Variants in C12orf42 observed in about 807,000 individuals in gnomAD.
C12orf42 encodes uncharacterized protein C12orf42.
Under a neutral mutation model 21.6 loss-of-function variants are expected in C12orf42, and 25 were observed. The ratio of observed to expected loss-of-function variants is 1.16; its 90% CI spans 0.84 to 1.62. The LOEUF is 1.62. Ranked by LOEUF, C12orf42 falls within the 40% of genes most tolerant of loss-of-function variation. C12orf42 has a pLI of 0.00. For synonymous variants in C12orf42, 174 were observed against 175.0 expected (o/e 0.99, Z 0.05); for missense variants, 483 against 459.3 (o/e 1.05, Z -0.47).
chr12:103,362,656 C>T (rs1242679917), intron 4 of C12orf42, among the ~76,000 whole-genome samples: 1 of 151,888 alleles, frequency 6.6e-6, no homozygotes, highest in Non-Finnish European at 1.5e-5. Flanking sequence ...AGAAAAAAAT[C>T]ACAACTTCAG....
intron 2 of C12orf42, among the ~76,000 whole-genome samples, chr12:103,453,219 C>G (rs921631668): frequency 6.6e-6 from 1 of 151,068 alleles, no homozygotes; most frequent in African/African-American, 2.4e-5. Flanking sequence ...TGCAGGTTTT[C>G]TATTTCTTCT....
intron 4 of C12orf42, among the ~76,000 whole-genome samples, chr12:103,348,484 A>T (rs2042826727): frequency 6.6e-6 from 1 of 152,212 alleles, no homozygotes; most frequent in African/African-American, 2.4e-5. Flanking sequence ...TGACATCTGT[A>T]CAACATGTCT....
intron 2 of C12orf42, among the ~76,000 whole-genome samples, chr12:103,455,282 T>A (rs1475499448): frequency 6.6e-6 from 1 of 152,174 alleles, no homozygotes; most frequent in Non-Finnish European, 1.5e-5. Flanking sequence ...AAATGTTTGT[T>A]CAATTGAATT....
At chr12:103,458,342 T>C (rs1474700748) in intron 2 of C12orf42, among the ~76,000 whole-genome samples, 1 of 151,946 alleles carries the variant, frequency 6.6e-6, no homozygotes, top group Non-Finnish European at 1.5e-5. Flanking sequence ...AAAAAAATAG[T>C]ACTTTTCCAA....
chr12:103,274,672 T>G lies in C12orf42; in HGVS notation n.398+2478A>C, dbSNP rs1298953257. On this transcript the variant is annotated intron_variant and non_coding_transcript_variant, in intron 5 of 6. Coordinates refer to the C12orf42 transcript ENST00000546526. ...GTGTCTGTGTGTGTATGCATGCACA[T>G]GAACATGCTCTTGTTTTAAACCTTA... 2.6e-5 allele frequency among the ~76,000 whole-genome samples: 4 copies of G among 152,186 alleles called. No homozygotes were observed. The East Asian group carries it at 7.7e-4, about 29-fold the overall frequency.
the C12orf42 span, among the ~76,000 whole-genome samples, chr12:103,122,387 T>TATTCATTC: frequency 6.6e-6 from 1 of 151,808 alleles, no homozygotes; most frequent in South Asian, 2.1e-4. Flanking sequence ...GCCATTATTG[T>TATTCATTC]ATTCATTCAT....
the C12orf42 span, among the ~76,000 whole-genome samples, chr12:103,536,681 C>A: frequency 6.6e-6 from 1 of 152,140 alleles, no homozygotes; most frequent in Non-Finnish European, 1.5e-5. Flanking sequence ...CTGATGACCA[C>A]CACTGCATTT....
the C12orf42 span, among the ~76,000 whole-genome samples, chr12:103,180,496 T>C: frequency 6.6e-6 from 1 of 152,094 alleles, no homozygotes; most frequent in Non-Finnish European, 1.5e-5. Context: ...TACAGTTCTC[T>C]TGGGTCAGGA....
the C12orf42 span, chr12:103,559,582 C>T: frequency 3.3e-5 from 5 of 152,178 alleles, no homozygotes; most frequent in Non-Finnish European, 7.3e-5. Context: ...AAACAGCAGA[C>T]TCAAAAACCC....
chr12:103,232,803 G>A (rs1007815899), downstream of C12orf42, among the ~76,000 whole-genome samples: 1 of 151,800 alleles, frequency 6.6e-6, no homozygotes, highest in African/African-American at 2.4e-5. Flanking sequence ...TGTAAGGTCT[G>A]CGTCTAGGTT....
upstream of C12orf42, among the ~76,000 whole-genome samples, chr12:103,500,276 C>T (rs998375157): frequency 6.6e-6 from 1 of 152,120 alleles, no homozygotes; most frequent in African/African-American, 2.4e-5. Flanking sequence ...TATCTAATAC[C>T]CCTTTCATTT....
the C12orf42 span, among the ~76,000 whole-genome samples, chr12:103,068,058 G>A: frequency 6.6e-6 from 1 of 152,248 alleles, no homozygotes; most frequent in East Asian, 1.9e-4. Flanking sequence ...AGCAAAAAAA[G>A]CATGACCTGC....
At chr12:103,252,713 G>A (rs2034370719) in intron 10 of C12orf42, among the ~76,000 whole-genome samples, 1 of 152,104 alleles carries the variant, frequency 6.6e-6, no homozygotes, top group Non-Finnish European at 1.5e-5. Flanking sequence ...CAAATGAATA[G>A]ATTGCAAAAA....
At chr12:103,262,517 C>T (rs1237030661) in intron 10 of C12orf42, 1 of 152,152 alleles carries the variant, frequency 6.6e-6, no homozygotes, top group East Asian at 1.9e-4. Context: ...CTGAGTATTA[C>T]AATGATCAGT....
intron 4 of C12orf42, among the ~76,000 whole-genome samples, chr12:103,278,128 A>G (rs967317766): frequency 6.6e-6 from 1 of 152,200 alleles, no homozygotes; most frequent in Non-Finnish European, 1.5e-5. Context: ...GGAACTTAAC[A>G]AACTGATTCA....
intron 3 of C12orf42, among the ~76,000 whole-genome samples, chr12:103,391,343 C>T (rs1044597329): frequency 2.0e-5 from 3 of 152,138 alleles, no homozygotes; most frequent in African/African-American, 7.2e-5. Context: ...TGAGGAAACA[C>T]CAAACTGTAT....
intron 3 of C12orf42, among the ~76,000 whole-genome samples, chr12:103,379,325 C>T (rs1249996537): frequency 1.3e-5 from 2 of 152,146 alleles, no homozygotes; most frequent in Non-Finnish European, 2.9e-5. Context: ...GACACCAGCC[C>T]ACACATTATT....
chr12:103,056,981 A>G, the C12orf42 span, among the ~76,000 whole-genome samples: 3,419 of 152,114 alleles, frequency 0.022, 56 homozygotes, highest in African/African-American at 0.044. Context: ...TAACATCTCT[A>G]TCATCTTGGT....
the C12orf42 span, among the ~76,000 whole-genome samples, chr12:103,560,752 A>C: frequency 1.3e-5 from 2 of 152,216 alleles, no homozygotes; most frequent in Admixed American, 1.3e-4. Flanking sequence ...AGTCATACGC[A>C]AAGTCCATGA....
Sources: allele counts gnomAD v4.1 joint callset (sites outside exome capture counted in the v4.1 genomes callset), GRCh38; gene constraint gnomAD v4.1.1; transcripts MANE v1.5; gene names NCBI Gene and HGNC (gene_info 2026-07-23, HGNC 2026-07-21).